The following DLGAP4 variants were observed in gnomAD, a reference collection of about 807,000 sequenced individuals.
DLGAP4 encodes disks large-associated protein 4.
A neutral mutation model predicts 86.9 loss-of-function variants in DLGAP4; 18 were observed. The observed-to-expected ratio is 0.21, with a 90% CI of 0.14 to 0.31. The LOEUF is 0.31. Among genes scored for constraint, DLGAP4 ranks in the 10% least tolerant of loss-of-function variants. The pLI, the probability that DLGAP4 is intolerant of heterozygous loss-of-function variation, is 1.00. For synonymous variants in DLGAP4, 548 were observed against 574.3 expected (o/e 0.95, Z 0.65); for missense variants, 1,085 against 1,362.6 (o/e 0.80, Z 3.21).
At chr20:36,466,741 T>C (rs1249115586) in intron 7 of DLGAP4, among the ~76,000 whole-genome samples, 1 of 152,160 alleles carries the variant, frequency 6.6e-6, no homozygotes, top group African/African-American at 2.4e-5. Context: ...CAGGGACGGG[T>C]AGGGATGCCT....
At chr20:36,519,663 C>A (rs1052269474) in intron 10 of DLGAP4, among the ~76,000 whole-genome samples, 1 of 152,184 alleles carries the variant, frequency 6.6e-6, no homozygotes, top group Non-Finnish European at 1.5e-5. Context: ...TCTGAGGAAC[C>A]ACCCAACTAT....
At chr20:36,499,350 T>TGCCCCCCCCCCCCC in intron 8 of DLGAP4, 6 of 1,544,990 alleles carry the variant, frequency 3.9e-6, no homozygotes, top group Non-Finnish European at 3.5e-6. Context: ...CTCCACCCCA[T>TGCCCCCCCCCCCCC]CCCACCTCCC....
intron 4 of DLGAP4, among the ~76,000 whole-genome samples, chr20:36,438,980 C>T (rs185406912): frequency 1.2e-4 from 18 of 152,188 alleles, no homozygotes; most frequent in South Asian, 4.1e-4. Flanking sequence ...CCTTCTAGTA[C>T]GGAGATCCTA....
At chr20:36,323,926 G>T (rs1288407534) in intron 1 of DLGAP4, among the ~76,000 whole-genome samples, 1 of 152,216 alleles carries the variant, frequency 6.6e-6, no homozygotes, top group Non-Finnish European at 1.5e-5. Flanking sequence ...CTGCTCTGCA[G>T]CCCAGTTCCT....
At chr20:36,479,785 G>C (rs1195502813) in intron 7 of DLGAP4, among the ~76,000 whole-genome samples, 5 of 152,124 alleles carry the variant, frequency 3.3e-5, no homozygotes, top group African/African-American at 1.2e-4. Context: ...GTGTCGAGGG[G>C]CTGGATGGTT....
At chr20:36,488,732 C>A (rs1293016575) in intron 7 of DLGAP4, among the ~76,000 whole-genome samples, 1 of 152,068 alleles carries the variant, frequency 6.6e-6, no homozygotes, top group African/African-American at 2.4e-5. Flanking sequence ...CATCCACCAC[C>A]ACACCCAGCT....
At chr20:36,521,353 TTAG>T (rs907320455) in intron 10 of DLGAP4, among the ~76,000 whole-genome samples, 3 of 152,226 alleles carry the variant, frequency 2.0e-5, no homozygotes, top group African/African-American at 4.8e-5. Context: ...GAATCTCTTT[TTAG>T]TAGTTTTTCT....
intron 7 of DLGAP4, among the ~76,000 whole-genome samples, chr20:36,461,030 G>C (rs1273368043): frequency 6.6e-6 from 1 of 152,204 alleles, no homozygotes; most frequent in Admixed American, 6.5e-5. Context: ...ACTATGCAGG[G>C]GTGAGAGGGC....
chr20:36,354,271 G>A (rs2030256102), intron 1 of DLGAP4, among the ~76,000 whole-genome samples: 1 of 151,962 alleles, frequency 6.6e-6, no homozygotes, highest in Non-Finnish European at 1.5e-5. Context: ...GCCGTGAGCT[G>A]TTATCACCCC....
intron 7 of DLGAP4, among the ~76,000 whole-genome samples, chr20:36,453,117 G>C (rs2033783749): frequency 6.6e-6 from 1 of 152,208 alleles, no homozygotes; most frequent in Non-Finnish European, 1.5e-5. Context: ...ACAGGCGTGA[G>C]TCACCACGCC....
At chr20:36,494,966 G>GTT (rs1176102036) in intron 7 of DLGAP4, among the ~76,000 whole-genome samples, 17 of 108,712 alleles carry the variant, frequency 1.6e-4, no homozygotes, top group East Asian at 2.8e-4. Flanking sequence ...TAAAAAAGTG[G>GTT]TTTTTTTTTT....
chr20:36,484,677 A>C (rs563447135), intron 7 of DLGAP4, among the ~76,000 whole-genome samples: 1 of 152,186 alleles, frequency 6.6e-6, no homozygotes, highest in Non-Finnish European at 1.5e-5. Flanking sequence ...GGCTGCCTCC[A>C]CCTCAAGGTT....
At chr20:36,487,558 T>A (rs958470310) in intron 7 of DLGAP4, among the ~76,000 whole-genome samples, 2 of 152,184 alleles carry the variant, frequency 1.3e-5, no homozygotes, top group African/African-American at 4.8e-5. Context: ...AGTTACATTT[T>A]GCCAAACTGT....
chr20:36,420,626 C>T (rs2032796101), intron 2 of DLGAP4, among the ~76,000 whole-genome samples: 1 of 151,778 alleles, frequency 6.6e-6, no homozygotes, highest in Admixed American at 6.6e-5. Context: ...TCACCTGAGC[C>T]CAGGAGTTCA....
chr20:36,460,647 A>G (rs1600563034), intron 7 of DLGAP4, among the ~76,000 whole-genome samples: 1 of 152,222 alleles, frequency 6.6e-6, no homozygotes, highest in East Asian at 1.9e-4. Context: ...TGCGGCCTGG[A>G]GAGATGAGGC....
At chr20:36,414,527 G>C (rs2032598414) in intron 2 of DLGAP4, among the ~76,000 whole-genome samples, 1 of 152,258 alleles carries the variant, frequency 6.6e-6, no homozygotes, top group Non-Finnish European at 1.5e-5. Flanking sequence ...TCTCCAGCCT[G>C]AGTGTGCAGA....
intron 8 of DLGAP4, chr20:36,498,002 C>T (rs2035961057): frequency 6.6e-6 from 1 of 152,282 alleles, no homozygotes; most frequent in Admixed American, 6.5e-5. Flanking sequence ...AGGGCCCCCC[C>T]AAGCCCAGGG....
intron 1 of DLGAP4, among the ~76,000 whole-genome samples, chr20:36,352,207 T>C (rs1320049098): frequency 3.3e-5 from 5 of 151,828 alleles, no homozygotes; most frequent in African/African-American, 1.2e-4. Flanking sequence ...GGCATGATGG[T>C]GAGAGTGGGC....
intron 1 of DLGAP4, among the ~76,000 whole-genome samples, chr20:36,342,548 C>T (rs2065394118): frequency 6.6e-6 from 1 of 152,182 alleles, no homozygotes. Flanking sequence ...AGCCACCCCG[C>T]TCAGTGGAAT....
Sources: allele counts gnomAD v4.1 joint callset (sites outside exome capture counted in the v4.1 genomes callset), GRCh38; gene constraint gnomAD v4.1.1; transcripts MANE v1.5; gene names NCBI Gene and HGNC (gene_info 2026-07-23, HGNC 2026-07-21).